CBLB: variants seen among roughly 807,000 people sequenced by gnomAD.
CBLB encodes the protein E3 ubiquitin-protein ligase CBL-B.
CBLB carries 31 observed loss-of-function variants against 104.9 expected under a neutral mutation model. That is an observed-to-expected ratio of 0.30 (90% CI 0.22 to 0.40). The LOEUF is 0.40. CBLB is among the 10% of genes least tolerant of loss of function. The probability of loss-of-function intolerance (pLI) is 1.00; values close to 1 mark genes in which losing one functional copy is unlikely to be tolerated. For synonymous variants in CBLB, 440 were observed against 422.6 expected, an observed-to-expected ratio of 1.04 and a Z score of -0.51; for missense variants, 1,062 against 1,214.6, an observed-to-expected ratio of 0.87 and a Z score of 1.87.
At chr3:105,803,557 G>A (rs2083146928) in intron 3 of CBLB, among the ~76,000 whole-genome samples, 1 of 152,152 alleles carries the variant, frequency 6.6e-6, no homozygotes, top group African/African-American at 2.4e-5. Context: ...CGAAAGTCAG[G>A]TAAGGCACAG....
At chr3:105,683,436 T>C (rs547777243) in intron 14 of CBLB, among the ~76,000 whole-genome samples, 9 of 152,304 alleles carry the variant, frequency 5.9e-5, no homozygotes, top group African/African-American at 1.7e-4. Flanking sequence ...AAAATGGTAA[T>C]GATGGTTATA....
chr3:105,749,547 T>C (rs2076407019), intron 5 of CBLB: 1 of 157,194 alleles, frequency 6.4e-6, no homozygotes, highest in Non-Finnish European at 1.4e-5. Context: ...TTTCAATATA[T>C]AACTGCAAGG....
At chr3:105,668,753 T>C (rs1006268407) in intron 18 of CBLB, among the ~76,000 whole-genome samples, 10 of 152,132 alleles carry the variant, frequency 6.6e-5, no homozygotes, top group African/African-American at 1.9e-4. Context: ...GTTAAACATA[T>C]AAATACACAG....
chr3:105,837,958 C>T (rs1481735961), intron 3 of CBLB, among the ~76,000 whole-genome samples: 1 of 152,054 alleles, frequency 6.6e-6, no homozygotes, highest in Admixed American at 6.5e-5. Flanking sequence ...TCAAATCATC[C>T]TATAGTAATT....
rs187228405 is a variant in CBLB at position 105,794,528 on chromosome 3, G to A, written c.420-17986C>T. ...ACCTCAGAGATCATTTATTAATTTC[G>A]ATCTTACTTATAAAGGTGAAACTGC... On this transcript the variant is annotated intron_variant, in intron 3 of 18. Coordinates refer to ENST00000394030, the MANE Select transcript of CBLB (RefSeq NM_170662.5). Among the ~76,000 whole-genome samples, 306 of 152,170 alleles carry A rather than the reference G, an allele frequency of 2.0e-3. 2 individuals are homozygous for A. The highest frequency in any genetic ancestry group is 7.1e-3 in the African/African-American group (295 of 41,536).
chr3:105,830,438 G>A (rs753892116), intron 3 of CBLB, among the ~76,000 whole-genome samples: 6 of 152,158 alleles, frequency 3.9e-5, no homozygotes, highest in African/African-American at 9.7e-5. Flanking sequence ...TACAGGAAGC[G>A]TTGGTAACCC....
rs2063486385 is a variant in CBLB at position 105,658,426 on chromosome 3, A to T, written c.*544T>A. Reference sequence around the variant, plus strand: ...TTTTGCATTAGTTTGATCAGTTGAAAATCAGAACCTTCAAAGCATCTTGTG... The same window carrying T: ...TTTTGCATTAGTTTGATCAGTTGAATATCAGAACCTTCAAAGCATCTTGTG... On this transcript the variant is annotated 3_prime_UTR_variant, in exon 19 of 19. Transcript: ENST00000394030. 4.4e-6 allele frequency: 1 copy of T among 226,350 alleles called. No individual in the cohort carries two copies. Among genetic ancestry groups the T allele is most frequent in the South Asian group, 1.8e-4 (1 of 5,570 alleles). The allele number at this position is 226,350 out of a possible 1,614,324, so 14.0% of individuals were successfully genotyped here.
intron 4 of CBLB, among the ~76,000 whole-genome samples, chr3:105,756,906 G>T (rs2077132571): frequency 6.6e-6 from 1 of 152,156 alleles, no homozygotes; most frequent in Admixed American, 6.5e-5. Context: ...TCCAATGAAT[G>T]GTTTAGCACC....
chr3:105,694,896 C>A (rs2152760532), intron 12 of CBLB, among the ~76,000 whole-genome samples: 1 of 151,718 alleles, frequency 6.6e-6, no homozygotes, highest in South Asian at 2.1e-4. Context: ...GCAAAGTGTT[C>A]TGAAGTGTGC....
At chr3:105,771,607 G>T (rs1277795499) in intron 4 of CBLB, among the ~76,000 whole-genome samples, 2 of 152,028 alleles carry the variant, frequency 1.3e-5, no homozygotes, top group Non-Finnish European at 2.9e-5. Context: ...ATCATTCACT[G>T]ATGATATGAT....
chr3:105,746,841 G>C (rs928150857), intron 5 of CBLB, among the ~76,000 whole-genome samples: 1 of 152,162 alleles, frequency 6.6e-6, no homozygotes, highest in African/African-American at 2.4e-5. Flanking sequence ...TGGGATGCCA[G>C]GACCAATGCA....
chr3:105,763,639 A>C (rs554329350), intron 4 of CBLB, among the ~76,000 whole-genome samples: 2 of 152,316 alleles, frequency 1.3e-5, no homozygotes, highest in East Asian at 3.9e-4. Flanking sequence ...AATTAGTCTC[A>C]GGTAGGTCTT....
chr3:105,714,139 G>C (rs561662225), intron 10 of CBLB, among the ~76,000 whole-genome samples: 1 of 152,044 alleles, frequency 6.6e-6, no homozygotes, highest in East Asian at 1.9e-4. Context: ...ACGTAAAAAG[G>C]CAACATCCTC....
At chr3:105,704,307 C>T in intron 10 of CBLB, 134 bp from the exon 11 acceptor site, 1 of 812,008 alleles carries the variant, frequency 1.2e-6, no homozygotes, top group East Asian at 2.6e-5. Flanking sequence ...TTAGTTTACC[C>T]TGATTAATAG....
intron 3 of CBLB, among the ~76,000 whole-genome samples, chr3:105,800,585 T>G (rs573045602): frequency 1.3e-5 from 2 of 152,168 alleles, no homozygotes; most frequent in Non-Finnish European, 2.9e-5. Flanking sequence ...GCCTTAGACT[T>G]ATTGAAATAG....
chr3:105,836,102 T>C (rs962261133), intron 3 of CBLB, among the ~76,000 whole-genome samples: 16 of 152,334 alleles, frequency 1.1e-4, no homozygotes, highest in African/African-American at 3.8e-4. Flanking sequence ...ACAACCTTAA[T>C]TAATCTCTTG....
At chr3:105,718,620 AAT>A (rs1215608851) in intron 10 of CBLB, among the ~76,000 whole-genome samples, 1 of 152,172 alleles carries the variant, frequency 6.6e-6, no homozygotes, top group Non-Finnish European at 1.5e-5. Context: ...ACCTAGTGAC[AAT>A]GGCAAATAGG....
intron 3 of CBLB, among the ~76,000 whole-genome samples, chr3:105,808,016 C>G (rs955580410): frequency 6.6e-6 from 1 of 152,112 alleles, no homozygotes; most frequent in Non-Finnish European, 1.5e-5. Flanking sequence ...AAACAAGCCA[C>G]CAATAAGGAA....
intron 3 of CBLB, among the ~76,000 whole-genome samples, chr3:105,836,901 C>T (rs1057414419): frequency 1.3e-5 from 2 of 151,700 alleles, no homozygotes; most frequent in Admixed American, 1.3e-4. Flanking sequence ...AAAGCCCTGC[C>T]TACATATTCA....
Sources: allele counts gnomAD v4.1 joint callset (sites outside exome capture counted in the v4.1 genomes callset), GRCh38; gene constraint gnomAD v4.1.1; transcripts MANE v1.5; gene names NCBI Gene and HGNC (gene_info 2026-07-23, HGNC 2026-07-21).